ANKS1B: variants seen among roughly 807,000 people sequenced by gnomAD.
ANKS1B encodes ankyrin repeat and sterile alpha motif domain-containing protein 1B.
Under a neutral mutation model 148.3 loss-of-function variants are expected in ANKS1B, and 36 were observed. The ratio of observed to expected loss-of-function variants is 0.24; its 90% CI spans 0.19 to 0.32. ANKS1B has a LOEUF of 0.32. ANKS1B is among the 10% of genes least tolerant of loss of function. The probability of loss-of-function intolerance (pLI) is 1.00; values close to 1 mark genes in which losing one functional copy is unlikely to be tolerated. For synonymous variants in ANKS1B, 542 were observed against 560.8 expected (o/e 0.97, Z 0.47); for missense variants, 1,157 against 1,542.6 (o/e 0.75, Z 4.19).
At chr12:99,453,373 G>A (rs988466148) in intron 10 of ANKS1B, among the ~76,000 whole-genome samples, 7 of 152,130 alleles carry the variant, frequency 4.6e-5, no homozygotes, top group South Asian at 2.1e-4. Flanking sequence ...TGTGGCTTCC[G>A]TCTTGTGTGT....
intron 15 of ANKS1B, among the ~76,000 whole-genome samples, chr12:99,109,873 T>G (rs1210179672): frequency 6.6e-6 from 1 of 152,144 alleles, no homozygotes; most frequent in African/African-American, 2.4e-5. Flanking sequence ...CATTTAACCC[T>G]CACAGCACCT....
chr12:99,486,548 G>A (rs994477070), intron 10 of ANKS1B, among the ~76,000 whole-genome samples: 25 of 152,042 alleles, frequency 1.6e-4, no homozygotes, highest in African/African-American at 5.5e-4. Flanking sequence ...CAGGCCAATA[G>A]GGGAGGTGTC....
chr12:98,944,844 C>A (rs1052133049), intron 17 of ANKS1B, among the ~76,000 whole-genome samples: 5 of 152,192 alleles, frequency 3.3e-5, no homozygotes, highest in Non-Finnish European at 5.9e-5. Context: ...TGAGTTATCT[C>A]CATGAAGTCC....
chr12:99,694,000 C>T (rs1243356758), intron 8 of ANKS1B, among the ~76,000 whole-genome samples: 1 of 150,230 alleles, frequency 6.7e-6, no homozygotes, highest in Non-Finnish European at 1.5e-5. Flanking sequence ...AGGCTGGTCT[C>T]GAACTTCTGA....
At chr12:99,518,818 G>T (rs1429045229) in intron 9 of ANKS1B, among the ~76,000 whole-genome samples, 1 of 151,892 alleles carries the variant, frequency 6.6e-6, no homozygotes, top group Non-Finnish European at 1.5e-5. Flanking sequence ...GCACCAATTG[G>T]TTGTTTATTT....
chr12:99,333,741 C>A (rs1410363272), intron 12 of ANKS1B, among the ~76,000 whole-genome samples: 3 of 151,920 alleles, frequency 2.0e-5, no homozygotes, highest in African/African-American at 7.3e-5. Flanking sequence ...AAGAAAATAG[C>A]CTTCCCTTTT....
intron 15 of ANKS1B, among the ~76,000 whole-genome samples, chr12:99,096,387 T>C (rs1245785973): frequency 6.6e-6 from 1 of 152,182 alleles, no homozygotes; most frequent in African/African-American, 2.4e-5. Flanking sequence ...AAAAAATTTT[T>C]CCACATTGAA....
intron 16 of ANKS1B, among the ~76,000 whole-genome samples, chr12:99,064,105 A>G (rs967828160): frequency 2.0e-4 from 31 of 152,192 alleles, no homozygotes; most frequent in Admixed American, 3.9e-4. Context: ...GTGTTCAGAT[A>G]TTGAAGACTC....
rs551225348 is a variant in ANKS1B at position 99,395,828 on chromosome 12, G to T, written c.1756+3803C>A. On this transcript the variant is annotated intron_variant, in intron 12 of 26. Coordinates refer to ENST00000683438, the MANE Select transcript of ANKS1B (RefSeq NM_001352186.2). ...GTTTTGCAGCATACGATTTATTTTT[G>T]AAGATGTATTAGTCTTTGTTCTGTT... is the stretch of plus-strand genomic sequence containing the variant. Among the ~76,000 whole-genome samples the T allele has an allele frequency of 2.6e-5, 4 of 152,166 alleles. No individual in the cohort carries two copies. In the South Asian group the frequency reaches 8.3e-4, roughly 31 times the overall value.
intron 12 of ANKS1B, among the ~76,000 whole-genome samples, chr12:99,386,024 T>A: frequency 6.6e-6 from 1 of 152,322 alleles, no homozygotes; most frequent in East Asian, 1.9e-4. Context: ...TATTATTAGC[T>A]TTCCATAGTC....
chr12:98,865,640 C>T (rs78114331), intron 17 of ANKS1B, among the ~76,000 whole-genome samples: 2,253 of 152,016 alleles, frequency 0.015, 56 homozygotes, highest in African/African-American at 0.05. Context: ...TAAGAATCGA[C>T]GTGTGTGTTG....
intron 9 of ANKS1B, among the ~76,000 whole-genome samples, chr12:99,632,767 A>ATATATATATATTTTTTTT (rs1441486862): frequency 4.2e-5 from 3 of 71,316 alleles, no homozygotes; most frequent in East Asian, 3.9e-4. Context: ...ATATATATAT[A>ATATATATATATTTTTTTT]TTTTAATTAT....
intron 17 of ANKS1B, among the ~76,000 whole-genome samples, chr12:98,981,125 G>A (rs2099909630): frequency 6.6e-6 from 1 of 151,656 alleles, no homozygotes; most frequent in African/African-American, 2.4e-5. Context: ...AGGCAACATA[G>A]TGAGACTCTG....
intron 15 of ANKS1B, among the ~76,000 whole-genome samples, chr12:99,118,407 C>G (rs939208573): frequency 1.3e-5 from 2 of 152,178 alleles, no homozygotes; most frequent in Admixed American, 6.5e-5. Context: ...ATTGGTTACA[C>G]TGCATATGAG....
intron 2 of ANKS1B, among the ~76,000 whole-genome samples, chr12:99,824,750 T>A (rs1048354826): frequency 6.6e-6 from 1 of 152,168 alleles, no homozygotes; most frequent in African/African-American, 2.4e-5. Context: ...GCACTCTCCA[T>A]AACATATACT....
At chr12:99,866,049 T>C (rs1406438949) in intron 1 of ANKS1B, among the ~76,000 whole-genome samples, 4 of 152,136 alleles carry the variant, frequency 2.6e-5, no homozygotes, top group African/African-American at 7.2e-5. Context: ...GTCCCAGAAA[T>C]AGCGCTCCAA....
chr12:99,649,147 T>C lies in ANKS1B; in HGVS notation c.1272+5920A>G, dbSNP rs181085358. The C allele has an allele frequency of 1.0e-3, 727 of 707,098 alleles. 2 individuals are homozygous for C. The Middle Eastern group carries it at 0.011, about 10-fold the overall frequency. The allele number at this position is 707,098 out of a possible 1,614,324, so 43.8% of individuals were successfully genotyped here. A position where few individuals can be genotyped will look rare whatever the true frequency, so the allele number is the denominator to read the frequency against. ...TGATATGTTGTAGGACGTGTCTCCC[T>C]GCAATTGCCACTTATATACATTGGT... is the stretch of plus-strand genomic sequence containing the variant. On this transcript the variant is annotated intron_variant, in intron 9 of 26. Coordinates refer to ENST00000683438, the MANE Select transcript of ANKS1B (RefSeq NM_001352186.2).
At chr12:99,494,200 G>A (rs1047256576) in intron 10 of ANKS1B, among the ~76,000 whole-genome samples, 1 of 152,138 alleles carries the variant, frequency 6.6e-6, no homozygotes. Context: ...TGACATCAAG[G>A]TCATTAGTAA....
In ANKS1B at chr12:99,359,560, A is replaced by C. The variant is rs12578151; in HGVS notation, c.1756+40071T>G. 3.7e-3 allele frequency among the ~76,000 whole-genome samples: 558 copies of C among 152,238 alleles called. 30 individuals are homozygous for C. The East Asian group carries it at 0.085, about 23-fold the overall frequency. On this transcript the variant is annotated intron_variant, in intron 12 of 26. Coordinates refer to ENST00000683438, the MANE Select transcript of ANKS1B (RefSeq NM_001352186.2). ...TTATGAAAATAGTTTCTTATTGTTA[A>C]AAAAGATATAAAAAATGTTCCTTTA...
Sources: gnomAD v4.1 joint callset for allele counts (sites outside exome capture counted in the v4.1 genomes callset) on GRCh38, gnomAD v4.1.1 for gene constraint, MANE v1.5 for transcripts, NCBI Gene and HGNC (gene_info 2026-07-23, HGNC 2026-07-21) for gene names.